The following TECRL variants were observed in gnomAD, a reference collection of about 807,000 sequenced individuals.
The protein encoded by TECRL is trans-2,3-enoyl-CoA reductase like, also known as trans-2,3-enoyl-CoA reductase-like.
In TECRL, 63 loss-of-function variants were observed where a neutral mutation model predicts 52.8. That is an observed-to-expected ratio of 1.19 (90% CI 0.97 to 1.47). The LOEUF is 1.47. TECRL is among the 40% of genes most tolerant of loss of function. The pLI is 0.00. For synonymous variants in TECRL, 164 were observed against 141.9 expected (o/e 1.16, Z -1.10); for missense variants, 482 against 429.6 (o/e 1.12, Z -1.08).
intron 1 of TECRL, among the ~76,000 whole-genome samples, chr4:64,393,925 TA>T (rs887855016): frequency 1.3e-5 from 2 of 152,038 alleles, no homozygotes; most frequent in African/African-American, 4.8e-5. Flanking sequence ...ATACATATTT[TA>T]AGCATTGTGT....
In TECRL at chr4:64,381,772, T is replaced by G. The variant is rs574636829; in HGVS notation, c.235-6549A>C. Among the ~76,000 whole-genome samples the G allele has an allele frequency of 2.6e-5, 4 of 152,216 alleles. No individual in the cohort carries two copies. In the East Asian group the frequency reaches 7.7e-4, roughly 29 times the overall value. ...AAATCATAGGGTATTATCTTTTTGA[T>G]GTGTTGTAAGATTTTATTTGCTAGG... is the stretch of plus-strand genomic sequence containing the variant. On this transcript the variant is annotated intron_variant, in intron 1 of 11. Coordinates refer to ENST00000381210, the MANE Select transcript of TECRL (RefSeq NM_001010874.5).
intron 1 of TECRL, among the ~76,000 whole-genome samples, chr4:64,400,710 G>A (rs908270249): frequency 9.2e-5 from 14 of 151,982 alleles, no homozygotes; most frequent in African/African-American, 2.2e-4. Context: ...TTAAAAGTGT[G>A]TGCCATCTCC....
chr4:64,316,615 C>T (rs1717509760), intron 4 of TECRL, among the ~76,000 whole-genome samples: 1 of 151,960 alleles, frequency 6.6e-6, no homozygotes, highest in Non-Finnish European at 1.5e-5. Context: ...GTCTTTTCTA[C>T]TAAAGGGAAA....
chr4:64,372,909 T>C (rs559808405), intron 2 of TECRL, among the ~76,000 whole-genome samples: 128 of 151,636 alleles, frequency 8.4e-4, no homozygotes, highest in African/African-American at 3.0e-3. Flanking sequence ...TTGGTATATA[T>C]TTATGTACTT....
chr4:64,280,007 C>T lies in TECRL; in HGVS notation c.*65G>A. 1.3e-6 allele frequency: 2 copies of T among 1,507,444 alleles called. No homozygotes were observed. Among genetic ancestry groups the T allele is most frequent in the Non-Finnish European group, 8.9e-7 (1 of 1,123,230 alleles). The allele number at this position is 1,507,444 out of a possible 1,614,324, so 93.4% of individuals were successfully genotyped here. A position where few individuals can be genotyped will look rare whatever the true frequency, so the allele number is the denominator to read the frequency against. On this transcript the variant is annotated 3_prime_UTR_variant, in exon 12 of 12. Coordinates refer to ENST00000381210, the MANE Select transcript of TECRL (RefSeq NM_001010874.5). ...TGTTGGAGTATAATAGTTAACTATC[C>T]TTAACTAAGTCTTATTTATTGAATT... is the stretch of plus-strand genomic sequence containing the variant.
chr4:64,346,432 T>A (rs1228910379), intron 2 of TECRL, among the ~76,000 whole-genome samples: 3 of 152,226 alleles, frequency 2.0e-5, no homozygotes, highest in Non-Finnish European at 4.4e-5. Flanking sequence ...GGGGTTTCCA[T>A]ACCTCCTCTG....
intron 2 of TECRL, among the ~76,000 whole-genome samples, chr4:64,353,867 A>G (rs370891623): frequency 6.6e-6 from 1 of 152,160 alleles, no homozygotes. Context: ...AACATATAAG[A>G]GACCAAAAAA....
chr4:64,305,335 A>C (rs1724267007), intron 6 of TECRL, 97 bp from the exon 7 acceptor site: 1 of 984,334 alleles, frequency 1.0e-6, no homozygotes, highest in Admixed American at 2.0e-5. Context: ...TCACAATTTG[A>C]AACCACCACA....
intron 7 of TECRL, among the ~76,000 whole-genome samples, chr4:64,303,530 C>T (rs1461829603): frequency 1.3e-5 from 2 of 151,634 alleles, no homozygotes; most frequent in African/African-American, 4.8e-5. Flanking sequence ...GATTATTTTC[C>T]AGTTATTTGC....
At chr4:64,374,079 A>ATATATATATATATATATATATT (rs1343885987) in intron 2 of TECRL, among the ~76,000 whole-genome samples, 3,188 of 95,186 alleles carry the variant, frequency 0.033, 51 homozygotes, top group East Asian at 0.059. Flanking sequence ...ATATATATAT[A>ATATATATATATATATATATATT]TATTTATCTT....
At chr4:64,280,317 T>G in intron 11 of TECRL, 118 bp from the exon 12 acceptor site, 1 of 864,036 alleles carries the variant, frequency 1.2e-6, no homozygotes, top group Non-Finnish European at 1.6e-6. Context: ...GCATAATTTC[T>G]TATCAATTTT....
rs1383982950 is a variant in TECRL at position 64,299,957 on chromosome 4, A to G, written c.774+17T>C. 3.3e-6 allele frequency: 5 copies of G among 1,513,936 alleles called. No individual in the cohort carries two copies. The highest frequency in any genetic ancestry group is 2.8e-5 in the African/African-American group (2 of 71,998). 93.8% of individuals were successfully genotyped at this position (1,513,936 alleles called of 1,614,324 possible). On this transcript the variant is annotated intron_variant, in intron 8 of 11. Coordinates refer to ENST00000381210, the MANE Select transcript of TECRL (RefSeq NM_001010874.5). Reference sequence around the variant, plus strand: ...AAAATTAGAGCGTGAATAGCAAAATATATATATGATACATACCAGAAAATT... The same window carrying G: ...AAAATTAGAGCGTGAATAGCAAAATGTATATATGATACATACCAGAAAATT...
chr4:64,327,762 A>G (rs1718360784), intron 3 of TECRL, among the ~76,000 whole-genome samples: 1 of 152,052 alleles, frequency 6.6e-6, no homozygotes, highest in African/African-American at 2.4e-5. Context: ...CTTTAAGTGC[A>G]TGTAATACCT....
intron 4 of TECRL, among the ~76,000 whole-genome samples, chr4:64,322,286 C>T (rs186961455): frequency 6.6e-6 from 1 of 152,052 alleles, no homozygotes; most frequent in East Asian, 1.9e-4. Context: ...GGATGTGAGA[C>T]TGAGCTCCCA....
At chr4:64,341,202 C>T (rs1023236617) in intron 2 of TECRL, among the ~76,000 whole-genome samples, 3 of 152,154 alleles carry the variant, frequency 2.0e-5, no homozygotes, top group African/African-American at 7.2e-5. Flanking sequence ...CCAAGCTCTT[C>T]TTCATCTTGC....
intron 11 of TECRL, 122 bp downstream of exon 11, chr4:64,280,919 T>C (rs1275677010): frequency 1.2e-5 from 7 of 566,896 alleles, no homozygotes; most frequent in Non-Finnish European, 2.1e-5. Context: ...AAACTCAGTA[T>C]GAAACTATGA....
intron 2 of TECRL, among the ~76,000 whole-genome samples, chr4:64,359,419 A>T (rs867357257): frequency 1.3e-5 from 2 of 152,182 alleles, no homozygotes; most frequent in South Asian, 4.1e-4. Context: ...TGATTCTGCT[A>T]TAAATAGACT....
intron 8 of TECRL, 31 bp from the exon 9 acceptor site, chr4:64,289,798 A>G: frequency 7.0e-7 from 1 of 1,436,640 alleles, no homozygotes. Context: ...TTTCAGTGTG[A>G]TACACCTCTG....
chr4:64,313,779 T>A (rs1162363892), intron 5 of TECRL, among the ~76,000 whole-genome samples: 2 of 150,636 alleles, frequency 1.3e-5, no homozygotes, highest in Non-Finnish European at 3.0e-5. Context: ...CCAGCACGGC[T>A]GCCTTACTCT....
Sources: allele counts gnomAD v4.1 joint callset (sites outside exome capture counted in the v4.1 genomes callset), GRCh38; gene constraint gnomAD v4.1.1; transcripts MANE v1.5; gene names NCBI Gene and HGNC (gene_info 2026-07-23, HGNC 2026-07-21).